FAF1: variants seen among roughly 807,000 people sequenced by gnomAD.
FAF1 encodes FAS-associated factor 1.
Under a neutral mutation model 92.5 loss-of-function variants are expected in FAF1, and 25 were observed. The ratio of observed to expected loss-of-function variants is 0.27; its 90% CI spans 0.20 to 0.38. FAF1 has a LOEUF of 0.38. FAF1 is among the 10% of genes least tolerant of loss of function. FAF1 has a pLI of 1.00. For synonymous variants in FAF1, 234 were observed against 273.2 expected, an observed-to-expected ratio of 0.86 and a Z score of 1.42; for missense variants, 636 against 793.3, an observed-to-expected ratio of 0.80 and a Z score of 2.38.
intron 2 of FAF1, among the ~76,000 whole-genome samples, chr1:50,814,857 T>TAC (rs1198335531): frequency 2.6e-5 from 4 of 152,046 alleles, no homozygotes; most frequent in Non-Finnish European, 5.9e-5. Flanking sequence ...CACACACACA[T>TAC]ACACACACAA....
At chr1:50,908,412 A>G (rs1419932421) in intron 1 of FAF1, among the ~76,000 whole-genome samples, 2 of 152,162 alleles carry the variant, frequency 1.3e-5, no homozygotes, top group African/African-American at 2.4e-5. Context: ...GCTGAGTTCA[A>G]TTCCTGGATA....
In FAF1 at chr1:50,788,058, G is replaced by C. The variant is rs1272204024; in HGVS notation, c.309C>G (p.Phe103Leu). 5.0e-6 allele frequency: 8 copies of C among 1,614,046 alleles called. No individual in the cohort carries two copies. Among genetic ancestry groups the C allele is most frequent in the Non-Finnish European group, 6.8e-6 (8 of 1,180,036 alleles). ...CATTTCTGTCTCTGTATTCAACCCTGAAGTCCAGCATCCGAGGTTGCCTTT... is the reference window on the plus strand; with the variant it reads ...CATTTCTGTCTCTGTATTCAACCCTCAAGTCCAGCATCCGAGGTTGCCTTT... ...IVERQPRMLD[F>L]RVEYRDRNVD... The change falls in exon 4 of 19, where the codon TTC becomes TTG. Residue 103 changes from phenylalanine to leucine, a missense_variant. Phe to Leu is a conservative substitution (Grantham distance 22). This residue lies in a region of FAF1 where 317 missense variants were observed against 342.4 expected (regional missense o/e 0.93). Transcript: ENST00000396153.
intron 2 of FAF1, among the ~76,000 whole-genome samples, chr1:50,825,399 C>A (rs970564790): frequency 2.0e-5 from 3 of 151,946 alleles, no homozygotes; most frequent in Non-Finnish European, 4.4e-5. Context: ...ACAAATATTA[C>A]AAAGTCCTAT....
chr1:50,567,330 C>T (rs1650219656), intron 12 of FAF1, 99 bp from the exon 13 acceptor site: 2 of 794,360 alleles, frequency 2.5e-6, no homozygotes, highest in Non-Finnish European at 3.7e-6. Context: ...ACAGCAAAGA[C>T]AAAAATTAAA....
chr1:50,780,502 C>T (rs1661133709), intron 4 of FAF1: 4 of 189,586 alleles, frequency 2.1e-5, no homozygotes, highest in Non-Finnish European at 2.2e-5. Flanking sequence ...CAGGGACTCA[C>T]TTTCTCATCC....
intron 3 of FAF1, among the ~76,000 whole-genome samples, chr1:50,795,949 T>C (rs914656437): frequency 2.6e-5 from 4 of 151,990 alleles, no homozygotes; most frequent in African/African-American, 9.7e-5. Flanking sequence ...CTGGGGCATG[T>C]CTAGTAAGAA....
chr1:50,640,829 ATTTTTTTTTT>A (rs71059592), intron 8 of FAF1, among the ~76,000 whole-genome samples: 2 of 88,504 alleles, frequency 2.3e-5, no homozygotes, highest in Non-Finnish European at 4.0e-5. Flanking sequence ...TTATCAGCTG[ATTTTTTTTTT>A]TTTTTTTTTT....
chr1:50,682,615 T>A (rs1023579647), intron 7 of FAF1, among the ~76,000 whole-genome samples: 1 of 152,236 alleles, frequency 6.6e-6, no homozygotes, highest in African/African-American at 2.4e-5. Context: ...CTGATTAGCC[T>A]ACTTACCTCC....
intron 6 of FAF1, among the ~76,000 whole-genome samples, chr1:50,730,972 T>C (rs764823163): frequency 5.3e-5 from 8 of 152,244 alleles, no homozygotes; most frequent in Admixed American, 1.3e-4. Context: ...ACTTGCTTCC[T>C]ATTGTGTTAT....
intron 1 of FAF1, among the ~76,000 whole-genome samples, chr1:50,900,031 C>G (rs115449133): frequency 1.6e-3 from 238 of 152,290 alleles, no homozygotes; most frequent in African/African-American, 5.4e-3. Context: ...TAAATACTTT[C>G]CATTTACTTT....
At chr1:50,870,618 T>C (rs568033842) in intron 1 of FAF1, among the ~76,000 whole-genome samples, 2 of 152,238 alleles carry the variant, frequency 1.3e-5, no homozygotes, top group Non-Finnish European at 2.9e-5. Context: ...ATTATATATA[T>C]TATGGTAATC....
chr1:50,886,190 A>G (rs1047963702), intron 1 of FAF1, among the ~76,000 whole-genome samples: 3 of 152,164 alleles, frequency 2.0e-5, no homozygotes, highest in Admixed American at 6.5e-5. Context: ...TTTACCCTCA[A>G]GTGATATCTT....
chr1:50,667,984 T>C (rs1401771574), intron 7 of FAF1, among the ~76,000 whole-genome samples: 2 of 152,246 alleles, frequency 1.3e-5, no homozygotes, highest in African/African-American at 4.8e-5. Context: ...TCCAGGCCTT[T>C]GCCTTTCTCT....
intron 1 of FAF1, among the ~76,000 whole-genome samples, chr1:50,863,843 T>C (rs1334304901): frequency 1.3e-5 from 2 of 152,102 alleles, no homozygotes; most frequent in African/African-American, 2.4e-5. Flanking sequence ...TGGACTCTTT[T>C]TGGTTGGTAA....
At chr1:50,918,204 A>G (rs1255259949) in intron 1 of FAF1, among the ~76,000 whole-genome samples, 1 of 135,736 alleles carries the variant, frequency 7.4e-6, no homozygotes, top group Non-Finnish European at 1.6e-5. Flanking sequence ...TTTTTTTTTT[A>G]ATTATACTCT....
chr1:50,915,130 G>A (rs965971303), intron 1 of FAF1, among the ~76,000 whole-genome samples: 1 of 152,166 alleles, frequency 6.6e-6, no homozygotes, highest in Non-Finnish European at 1.5e-5. Context: ...TAGCACTTTG[G>A]AAGGCTGAGG....
At chr1:50,566,938 C>T in intron 13 of FAF1, 139 bp downstream of exon 13, 1 of 548,164 alleles carries the variant, frequency 1.8e-6, no homozygotes, top group Non-Finnish European at 3.0e-6. Flanking sequence ...GTGTTAGCTG[C>T]AACGAGCAGC....
At chr1:50,683,715 C>T (rs956265875) in intron 7 of FAF1, among the ~76,000 whole-genome samples, 13 of 151,958 alleles carry the variant, frequency 8.6e-5, no homozygotes, top group African/African-American at 3.1e-4. Context: ...GGCGGATCAC[C>T]TGAGGTAGGG....
At chr1:50,625,975 A>C (rs893422688) in intron 8 of FAF1, among the ~76,000 whole-genome samples, 12 of 152,338 alleles carry the variant, frequency 7.9e-5, no homozygotes, top group Admixed American at 2.6e-4. Context: ...AACTATGGTA[A>C]GAATGGTGGA....
Sources: allele counts gnomAD v4.1 joint callset (sites outside exome capture counted in the v4.1 genomes callset), GRCh38; gene constraint gnomAD v4.1.1; regional missense constraint gnomAD v4.1.1; transcripts MANE v1.5; gene names NCBI Gene and HGNC (gene_info 2026-07-23, HGNC 2026-07-21).